The following SON variants were observed in gnomAD, a reference collection of about 807,000 sequenced individuals.
The protein encoded by SON is SON DNA and RNA binding protein.
SON carries 4 observed loss-of-function variants against 173.3 expected under a neutral mutation model. That is an observed-to-expected ratio of 0.02 (90% CI 0.01 to 0.05). The LOEUF is 0.05. SON is among the 10% of genes least tolerant of loss of function. SON has a pLI of 1.00. For missense variants in SON, 2,626 were observed against 3,055.3 expected (o/e 0.86, Z 3.31); for synonymous variants, 1,190 against 1,105.9 (o/e 1.08, Z -1.51).
Position 33,543,100 on chromosome 21 carries a change from C to A in SON, c.8C>A (p.Thr3Asn), listed in dbSNP as rs1308214685. The A allele has an allele frequency of 7.4e-6, 12 of 1,614,128 alleles. No homozygotes were observed. Among genetic ancestry groups the A allele is most frequent in the Non-Finnish European group, 1.0e-5 (12 of 1,180,038 alleles). The change falls in exon 1 of 12, where the codon ACC becomes AAC. Residue 3 changes from threonine (T) to asparagine (N), a missense_variant. Transcript: ENST00000356577. Reference protein sequence around the residue: MATNIEQIFRSFV... With the variant: MANNIEQIFRSFV... ...GAGAACGGAGCGGACGCCATGGCGACCAACATCGAGCAGATTTTTAGGTCT... is the reference window on the plus strand; with the variant it reads ...GAGAACGGAGCGGACGCCATGGCGAACAACATCGAGCAGATTTTTAGGTCT...
At position 33,552,566 on chromosome 21, in the gene SON, G is replaced by A. The variant is rs1022299315; in HGVS notation, c.3335G>A (p.Arg1112Gln). ...SMMSSYSAAD[R>Q]SMMSSYTADR... is the part of the protein sequence containing the mutation. ...ATGTCATCGTACTCTGCAGCTGACCGATCTATGATGTCATCTTATACTGCT... is the reference window on the plus strand; with the variant it reads ...ATGTCATCGTACTCTGCAGCTGACCAATCTATGATGTCATCTTATACTGCT... Residue 1112 changes from arginine to glutamine, a missense_variant, in exon 3 of 12, where the codon CGA becomes CAA. By Grantham distance (43) the Arg-to-Gln change is conservative. Coordinates refer to ENST00000356577, the MANE Select transcript of SON (RefSeq NM_138927.4). This position sits in a 1 kb window ranked among gnomAD's most constrained non-coding sequence, Gnocchi z 5.6. The A allele has an allele frequency of 2.5e-6, 4 of 1,614,052 alleles. No homozygotes were observed. Among genetic ancestry groups the A allele is most frequent in the Admixed American group, 1.7e-5 (1 of 60,014 alleles).
At chr21:33,543,301 T>C in intron 1 of SON, 132 bp downstream of exon 1, 1 of 830,584 alleles carries the variant, frequency 1.2e-6, no homozygotes, top group Non-Finnish European at 2.0e-6. Context: ...GGGCCTGGGA[T>C]CCATTTTCCG....
At position 33,546,278 on chromosome 21, in the gene SON, A is replaced by T; in HGVS notation, c.143A>T (p.Asp48Val). ...CCCATTGAAGGAAACCAGGCGGGTG[A>T]TGCAGCTGCCTCTGCCAGGAGTCTA... The part of the protein sequence containing the change: ...NTPIEGNQAG[D>V]AAASARSLPN... The change falls in exon 2 of 12, where the codon GAT (aspartate) becomes GTT (valine). Residue 48 changes from aspartate to valine, a missense_variant. Physicochemically the swap from Asp to Val is radical, Grantham distance 152. Transcript: ENST00000356577. The T allele has an allele frequency of 1.9e-6, 3 of 1,613,612 alleles. No individual in the cohort carries two copies. Among genetic ancestry groups the T allele is most frequent in the Non-Finnish European group, 2.5e-6 (3 of 1,179,612 alleles).
In SON at chr21:33,559,148, T is replaced by C. The variant is rs115000540; in HGVS notation, c.6322-82T>C. ...ATCTTGTTTAACTTTGGAAAGTTGCTATTATGTGGTTTTGATTCTAAGAAA... is the reference window on the plus strand; with the variant it reads ...ATCTTGTTTAACTTTGGAAAGTTGCCATTATGTGGTTTTGATTCTAAGAAA... On this transcript the variant is annotated intron_variant, in intron 4 of 11. Coordinates refer to ENST00000356577, the MANE Select transcript of SON (RefSeq NM_138927.4). This position sits in a 1 kb window ranked among gnomAD's most constrained non-coding sequence, Gnocchi z 4.1. 1,969 of 1,118,330 alleles carry C rather than the reference T, an allele frequency of 1.8e-3. 23 individuals carry two copies. The African/African-American group carries it at 0.029, about 16-fold the overall frequency. 69.3% of individuals were successfully genotyped at this position (1,118,330 alleles called of 1,614,324 possible). A position where few individuals can be genotyped will look rare whatever the true frequency, so the allele number is the denominator to read the frequency against.
rs758548893 is a variant in SON, at chr21:33,551,393, T to C, written c.2162T>C (p.Met721Thr). 1 of 1,614,116 alleles carries C rather than the reference T, an allele frequency of 6.2e-7. No individual in the cohort carries two copies. Among genetic ancestry groups the C allele is most frequent in the Non-Finnish European group, 8.5e-7 (1 of 1,179,990 alleles). ...TCCCATATATTAGCTTCTAACACCA[T>C]GGAGACCCATATATTAGCATCCAAC... ...PESHILASNT[M>T]ETHILASNTM... is the part of the protein sequence containing the mutation. Residue 721 changes from methionine (M) to threonine (T), a missense_variant, in exon 3 of 12, where the codon ATG becomes ACG. This residue lies in a region of SON where 182 missense variants were observed against 193.6 expected (regional missense o/e 0.94). Coordinates refer to ENST00000356577, the MANE Select transcript of SON (RefSeq NM_138927.4).
intron 8 of SON, among the ~76,000 whole-genome samples, chr21:33,570,611 C>T (rs938730957): frequency 4.6e-5 from 7 of 152,096 alleles, no homozygotes; most frequent in African/African-American, 1.2e-4. Flanking sequence ...ATTATAGTTA[C>T]TATGAAAGTG....
Position 33,553,415 on chromosome 21 carries a change from C to T in SON, c.4184C>T (p.Pro1395Leu). ...EPSVVTVPEP[P>L]VVAEPDYVTI... ...TCGGTTGTGACTGTCCCGGAGCCTC[C>T]TGTTGTGGCTGAGCCAGACTATGTT... The change falls in exon 3 of 12, where the codon CCT becomes CTT. Residue 1395 changes from proline to leucine, a missense_variant. Coordinates refer to ENST00000356577, the MANE Select transcript of SON (RefSeq NM_138927.4). 1.2e-6 allele frequency: 2 copies of T among 1,613,902 alleles called. No individual in the cohort carries two copies. Among genetic ancestry groups the T allele is most frequent in the Non-Finnish European group, 8.5e-7 (1 of 1,179,804 alleles).
At position 33,550,107 on chromosome 21, in the gene SON, A is replaced by G. The variant is rs1348847381; in HGVS notation, c.876A>G (p.Val292=). 3 of 1,614,072 alleles carry G rather than the reference A, an allele frequency of 1.9e-6. No individual in the cohort carries two copies. The highest frequency in any genetic ancestry group is 2.2e-5 in the South Asian group (2 of 91,088). ...CAGAGCCATCAAAGATCATGTTGGT[A>G]GAGCCCCCAGTAGCAAAAGTGTTAG... The part of the protein sequence containing the change: ...TSPEPSKIML[V]EPPVAKVLEP... The change falls in exon 3 of 12, where the codon GTA becomes GTG. Residue 292 remains valine (V), a synonymous_variant. Transcript: ENST00000356577.
chr21:33,557,030 T>C, intron 3 of SON, 126 bp from the exon 4 acceptor site: 1 of 727,792 alleles, frequency 1.4e-6, no homozygotes, highest in Non-Finnish European at 2.0e-6. Context: ...TTTTTCTTTT[T>C]TGTTAGATAC....
chr21:33,564,716 C>T (rs1321656708), intron 6 of SON, among the ~76,000 whole-genome samples: 4 of 151,848 alleles, frequency 2.6e-5, no homozygotes, highest in Non-Finnish European at 4.4e-5. Context: ...CAAAATTAGC[C>T]GGGGGTGGCA....
chr21:33,551,058 G>C lies in SON; in HGVS notation c.1827G>C (p.Ser609=). 1 of 1,612,026 alleles carries C rather than the reference G, an allele frequency of 6.2e-7. No individual in the cohort carries two copies. Among genetic ancestry groups the C allele is most frequent in the Non-Finnish European group, 8.5e-7 (1 of 1,179,180 alleles). Residue 609 remains serine (S), a synonymous_variant, in exon 3 of 12, where the codon TCG becomes TCC. Coordinates refer to ENST00000356577, the MANE Select transcript of SON (RefSeq NM_138927.4). ...TGGCAGCTGGGGCACTGGAGTTCTC[G>C]GGGCAGTCTGGGGCAGCTGGAGCAC... The part of the protein sequence containing the change: ...PLMAAGALEF[S]GQSGAAGALE...
Position 33,552,441 on chromosome 21 carries a change from T to C in SON, c.3210T>C (p.Tyr1070=). Reference sequence around the variant, plus strand: ...ATGAACGCTCCATGATGTCAGCTTATGAACGCTCCATGATGTCCCCAATGG... The same window carrying C: ...ATGAACGCTCCATGATGTCAGCTTACGAACGCTCCATGATGTCCCCAATGG... The part of the protein sequence containing the change: ...SAYERSMMSA[Y]ERSMMSPMAD... The change falls in exon 3 of 12, where the codon TAT becomes TAC. Residue 1070 remains tyrosine (Y), a synonymous_variant. Coordinates refer to ENST00000356577, the MANE Select transcript of SON (RefSeq NM_138927.4). This position sits in a 1 kb window ranked among gnomAD's most constrained non-coding sequence, Gnocchi z 5.6. The C allele has an allele frequency of 1.2e-6, 2 of 1,614,006 alleles. No homozygotes were observed. The highest frequency in any genetic ancestry group is 1.7e-6 in the Non-Finnish European group (2 of 1,179,962).
Position 33,559,978 on chromosome 21 carries a change from A to C in SON, c.6657+203A>C. 6.2e-7 allele frequency: 1 copy of C among 1,614,200 alleles called. No individual in the cohort carries two copies. Among genetic ancestry groups the C allele is most frequent in the Non-Finnish European group, 8.5e-7 (1 of 1,180,018 alleles). ...GCAATTCACTTTGTGGAACCAAGCC[A>C]CAAAGTGAAAAGCATCGAATTGCAG... On this transcript the variant is annotated intron_variant, in intron 6 of 11. Coordinates refer to ENST00000356577, the MANE Select transcript of SON (RefSeq NM_138927.4). The surrounding 1 kb of genome is among the most constrained non-coding windows in gnomAD (Gnocchi z 4.1).
rs1416356045 is a variant in SON at position 33,555,111 on chromosome 21, C to T, written c.5880C>T (p.Pro1960=). 2.1e-6 allele frequency: 3 copies of T among 1,459,792 alleles called. No homozygotes were observed. The highest frequency in any genetic ancestry group is 2.5e-5 in the South Asian group (2 of 78,542). 90.4% of individuals were successfully genotyped at this position (1,459,792 alleles called of 1,614,324 possible). The change falls in exon 3 of 12, where the codon CCC becomes CCT. Residue 1960 remains proline, a synonymous_variant. Transcript: ENST00000356577. ...CCCCAAGCCGCCGCAGCCGCACCCC[C>T]AGCCGCCGCAGCCGCACCCCCAGCC... ...SISPSRRSRT[P]SRRSRTPSRR...
In SON at chr21:33,554,406, T is replaced by C. The variant is rs773099410; in HGVS notation, c.5175T>C (p.Ile1725=). Residue 1725 remains isoleucine (I), a synonymous_variant, in exon 3 of 12, where the codon ATT becomes ATC. Coordinates refer to ENST00000356577, the MANE Select transcript of SON (RefSeq NM_138927.4). ...TLPDSGFSAN[I]EDINEADLVR... ...CTGATTCAGGATTTTCTGCCAATAT[T>C]GAGGATATTAATGAAGCAGATTTAG... The C allele has an allele frequency of 1.2e-6, 2 of 1,614,154 alleles. No homozygotes were observed. The highest frequency in any genetic ancestry group is 8.5e-7 in the Non-Finnish European group (1 of 1,180,022).
chr21:33,553,790 A>G lies in SON; in HGVS notation c.4559A>G (p.Lys1520Arg). 6.2e-7 allele frequency: 1 copy of G among 1,614,106 alleles called. No homozygotes were observed. Residue 1520 changes from lysine to arginine, a missense_variant, in exon 3 of 12, where the codon AAA (lysine) becomes AGA (arginine). Physicochemically the swap from Lys to Arg is conservative, Grantham distance 26. Coordinates refer to ENST00000356577, the MANE Select transcript of SON (RefSeq NM_138927.4). ...GEEPHAEEHL[K>R]GDFYESEHGI... ...GAACCACATGCTGAGGAACACCTGA[A>G]AGGTGACTTTTACGAAAGTGAACAT...
intron 8 of SON, chr21:33,572,574 C>T (rs1397003031): frequency 7.7e-7 from 1 of 1,304,096 alleles, no homozygotes; most frequent in Non-Finnish European, 1.0e-6. Flanking sequence ...TAGCTGTCTT[C>T]TTGCCCCGGT....
At chr21:33,561,829 TAA>T (rs532042862) in intron 6 of SON, among the ~76,000 whole-genome samples, 2 of 152,186 alleles carry the variant, frequency 1.3e-5, no homozygotes, top group Non-Finnish European at 2.9e-5. Context: ...TATTTTTTGT[TAA>T]AAAAATTTTT....
intron 9 of SON, 70 bp from the exon 10 acceptor site, chr21:33,575,526 C>T (rs572362710): frequency 5.4e-6 from 6 of 1,114,700 alleles, no homozygotes; most frequent in African/African-American, 4.7e-5. Flanking sequence ...GAGGTTCAGA[C>T]TCCTACAGAG....
Sources: gnomAD v4.1 joint callset for allele counts (sites outside exome capture counted in the v4.1 genomes callset) on GRCh38, gnomAD v4.1.1 for gene constraint, gnomAD v4.1.1 regional missense constraint, Gnocchi (gnomAD v3.1) non-coding constraint, MANE v1.5 for transcripts, NCBI Gene and HGNC (gene_info 2026-07-23, HGNC 2026-07-21) for gene names.